The following ASPRV1 variants were observed in gnomAD, a reference collection of about 807,000 sequenced individuals.
The protein encoded by ASPRV1 is retroviral-like aspartic protease 1.
Under a neutral mutation model 11.0 loss-of-function variants are expected in ASPRV1, and 7 were observed. The observed-to-expected ratio is 0.64, with a 90% CI of 0.36 to 1.20. The LOEUF is 1.20. ASPRV1 is among the 50% of genes most tolerant of loss of function. ASPRV1 has a pLI of 0.02. For synonymous variants in ASPRV1, 136 were observed against 138.4 expected, an observed-to-expected ratio of 0.98 and a Z score of 0.12; for missense variants, 299 against 320.0, an observed-to-expected ratio of 0.93 and a Z score of 0.50.
At chr2:70,027,987 G>A in the ASPRV1 span, among the ~76,000 whole-genome samples, 4 of 152,202 alleles carry the variant, frequency 2.6e-5, no homozygotes, top group Non-Finnish European at 5.9e-5. Flanking sequence ...TACAGGGTAA[G>A]AAAGAGGTGC....
upstream of ASPRV1, chr2:69,963,386 G>A (rs1332356715): frequency 2.2e-6 from 1 of 456,734 alleles, no homozygotes; most frequent in South Asian, 1.5e-5. Context: ...TTCTGCAGAT[G>A]GACTTTTGCA....
At chr2:69,951,921 CTT>C in the ASPRV1 span, among the ~76,000 whole-genome samples, 1 of 152,086 alleles carries the variant, frequency 6.6e-6, no homozygotes, top group African/African-American at 2.4e-5. Context: ...TTGTTAATAA[CTT>C]ATACACTGCT....
chr2:70,040,914 C>A, the ASPRV1 span, among the ~76,000 whole-genome samples: 26 of 152,198 alleles, frequency 1.7e-4, no homozygotes, highest in Admixed American at 1.6e-3. Flanking sequence ...TATTTAAGAT[C>A]TCTGAATGCC....
the ASPRV1 span, among the ~76,000 whole-genome samples, chr2:70,044,562 C>T: frequency 6.6e-6 from 1 of 152,186 alleles, no homozygotes; most frequent in Non-Finnish European, 1.5e-5. Flanking sequence ...CGGATTCAGG[C>T]GATTCTCCTG....
the ASPRV1 span, chr2:70,012,158 A>AT: frequency 0.22 from 30,934 of 138,912 alleles, 5,776 homozygotes; most frequent in African/African-American, 0.48. Flanking sequence ...GATCAACATC[A>AT]TTTTTTTTTT....
the ASPRV1 span, among the ~76,000 whole-genome samples, chr2:69,974,567 G>C: frequency 1.3e-5 from 2 of 152,176 alleles, no homozygotes; most frequent in Admixed American, 6.5e-5. Flanking sequence ...GCTCTTCCTT[G>C]AGCAGGGCCC....
chr2:70,056,747 TAGAC>T, the ASPRV1 span: 1 of 152,096 alleles, frequency 6.6e-6, no homozygotes, highest in African/African-American at 2.4e-5. Flanking sequence ...TTGTTTTGTT[TAGAC>T]AGAGTCTTGC....
the ASPRV1 span, among the ~76,000 whole-genome samples, chr2:69,985,186 A>G: frequency 1.3e-5 from 2 of 152,120 alleles, no homozygotes; most frequent in East Asian, 1.9e-4. Flanking sequence ...TTCCAAACCT[A>G]CGCTCTTTTC....
the ASPRV1 span, among the ~76,000 whole-genome samples, chr2:70,078,131 T>C: frequency 3.3e-5 from 5 of 152,202 alleles, no homozygotes; most frequent in Non-Finnish European, 7.3e-5. Flanking sequence ...CACTCCAGCC[T>C]GGGCGACAGA....
At chr2:70,057,113 A>G in the ASPRV1 span, among the ~76,000 whole-genome samples, 2 of 152,040 alleles carry the variant, frequency 1.3e-5, no homozygotes, top group African/African-American at 4.8e-5. Context: ...ATATTAAAAA[A>G]CAAAAAGGCC....
chr2:69,934,035 G>C, the ASPRV1 span, among the ~76,000 whole-genome samples: 1 of 152,182 alleles, frequency 6.6e-6, no homozygotes, highest in Admixed American at 6.5e-5. Flanking sequence ...AAGTCTAGTT[G>C]AATAGATGAC....
At chr2:69,989,563 T>G in the ASPRV1 span, among the ~76,000 whole-genome samples, 14 of 152,312 alleles carry the variant, frequency 9.2e-5, no homozygotes, top group African/African-American at 2.6e-4. Flanking sequence ...GCCCTGCCAG[T>G]CCTGGCCAGT....
At chr2:70,039,914 T>C in the ASPRV1 span, among the ~76,000 whole-genome samples, 1 of 152,178 alleles carries the variant, frequency 6.6e-6, no homozygotes, top group African/African-American at 2.4e-5. Flanking sequence ...TGCAAAAGCA[T>C]GTTAACAAAT....
At chr2:70,032,508 A>T in the ASPRV1 span, among the ~76,000 whole-genome samples, 1 of 151,922 alleles carries the variant, frequency 6.6e-6, no homozygotes, top group Middle Eastern at 3.2e-3. Flanking sequence ...AAAAAAAAAA[A>T]TGATCTGGCC....
At chr2:70,023,825 T>C in the ASPRV1 span, among the ~76,000 whole-genome samples, 5 of 152,290 alleles carry the variant, frequency 3.3e-5, no homozygotes, top group East Asian at 5.8e-4. Context: ...AGTGACCCAC[T>C]GTATTACTTT....
chr2:70,023,950 G>A, the ASPRV1 span, among the ~76,000 whole-genome samples: 4 of 151,822 alleles, frequency 2.6e-5, no homozygotes, highest in Non-Finnish European at 5.9e-5. Context: ...TAGTAAAACA[G>A]ATCATAAAAA....
At chr2:70,070,928 G>C in the ASPRV1 span, 2 of 151,862 alleles carry the variant, frequency 1.3e-5, no homozygotes, top group Middle Eastern at 3.2e-3. Context: ...AGATGACTTC[G>C]AATGGCCTTT....
the ASPRV1 span, chr2:69,996,854 G>A: frequency 1.2e-4 from 47 of 397,666 alleles, 2 homozygotes; most frequent in East Asian, 7.3e-4. Context: ...TAAGGGTTAA[G>A]CACCTCTGTC....
the ASPRV1 span, chr2:69,988,574 G>T: frequency 2.9e-6 from 1 of 341,242 alleles, no homozygotes; most frequent in Non-Finnish European, 5.8e-6. Flanking sequence ...TTCAGTGTGG[G>T]AAGATGAAGA....
Sources: gnomAD v4.1 joint callset for allele counts (sites outside exome capture counted in the v4.1 genomes callset) on GRCh38, gnomAD v4.1.1 for gene constraint, MANE v1.5 for transcripts, NCBI Gene and HGNC (gene_info 2026-07-23, HGNC 2026-07-21) for gene names.